Variants in MYO3A observed in about 807,000 individuals in gnomAD.
MYO3A encodes myosin-IIIa.
In MYO3A, 180 loss-of-function variants were observed where a neutral mutation model predicts 192.7. The observed-to-expected ratio is 0.93, with a 90% CI of 0.83 to 1.06. MYO3A has a LOEUF of 1.06. Ranked by LOEUF, MYO3A falls within the 50% of genes least tolerant of loss-of-function variation. The pLI, the probability that MYO3A is intolerant of heterozygous loss-of-function variation, is 0.00. For missense variants in MYO3A, 1,896 were observed against 1,905.0 expected (o/e 1.00, Z 0.09); for synonymous variants, 628 against 645.3 (o/e 0.97, Z 0.41).
intron 31 of MYO3A, among the ~76,000 whole-genome samples, chr10:26,182,053 A>G (rs1383169262): frequency 1.3e-5 from 2 of 152,238 alleles, no homozygotes; most frequent in African/African-American, 2.4e-5. Flanking sequence ...TAATACTGTA[A>G]GTAATTCAGC....
chr10:26,075,584 A>ATG (rs1352203026), intron 14 of MYO3A, among the ~76,000 whole-genome samples: 1 of 140,444 alleles, frequency 7.1e-6, no homozygotes, highest in Non-Finnish European at 1.6e-5. Flanking sequence ...ATATATATAT[A>ATG]TATATGATAT....
At chr10:25,993,141 AT>A (rs578095785) in intron 4 of MYO3A, among the ~76,000 whole-genome samples, 14,416 of 150,952 alleles carry the variant, frequency 0.096, 1,208 homozygotes, top group African/African-American at 0.22. Context: ...TTGGTCCTGG[AT>A]TTTTTTTTGG....
intron 3 of MYO3A, among the ~76,000 whole-genome samples, chr10:25,954,443 A>C (rs1156879569): frequency 1.3e-5 from 2 of 151,982 alleles, no homozygotes; most frequent in Non-Finnish European, 2.9e-5. Context: ...TGTATGACTG[A>C]TTTTTGGATA....
At chr10:26,166,554 T>A (rs1042939656) in intron 27 of MYO3A, among the ~76,000 whole-genome samples, 7 of 152,072 alleles carry the variant, frequency 4.6e-5, no homozygotes, top group Non-Finnish European at 7.4e-5. Flanking sequence ...AAAGTTTACA[T>A]TGAAATTTAA....
intron 18 of MYO3A, among the ~76,000 whole-genome samples, chr10:26,121,211 C>G (rs1369864081): frequency 6.6e-6 from 1 of 150,600 alleles, no homozygotes; most frequent in Non-Finnish European, 1.5e-5. Context: ...GCCATTCATC[C>G]TGGGTTGATT....
intron 10 of MYO3A, among the ~76,000 whole-genome samples, chr10:26,058,703 A>G (rs1588877608): frequency 6.6e-6 from 1 of 152,308 alleles, no homozygotes; most frequent in African/African-American, 2.4e-5. Flanking sequence ...TTGACTTTCC[A>G]TATAAACTTT....
chr10:25,947,104 T>C (rs966535570), intron 2 of MYO3A, among the ~76,000 whole-genome samples: 3 of 151,926 alleles, frequency 2.0e-5, no homozygotes, highest in African/African-American at 7.2e-5. Context: ...CTGTTTATAT[T>C]CCTTCGTTCT....
chr10:26,075,586 A>G (rs1490373598), intron 14 of MYO3A, among the ~76,000 whole-genome samples: 3 of 140,594 alleles, frequency 2.1e-5, no homozygotes, highest in Admixed American at 1.4e-4. Context: ...ATATATATAT[A>G]TATGATATAT....
intron 14 of MYO3A, among the ~76,000 whole-genome samples, chr10:26,075,930 C>T (rs966440927): frequency 1.3e-5 from 2 of 151,346 alleles, no homozygotes; most frequent in Non-Finnish European, 2.9e-5. Context: ...CATGATTTTA[C>T]GATTGTAAAT....
intron 20 of MYO3A, among the ~76,000 whole-genome samples, chr10:26,141,809 T>C (rs918193950): frequency 6.6e-6 from 1 of 152,192 alleles, no homozygotes; most frequent in Admixed American, 6.5e-5. Context: ...TTTTAGACCA[T>C]CTATTCTTCT....
intron 2 of MYO3A, among the ~76,000 whole-genome samples, chr10:25,939,963 C>G (rs1836371955): frequency 6.6e-6 from 1 of 151,982 alleles, no homozygotes; most frequent in Non-Finnish European, 1.5e-5. Context: ...TAGTGGCCAT[C>G]ATGCCTCTAA....
chr10:26,101,256 T>C (rs1053045376), intron 17 of MYO3A, among the ~76,000 whole-genome samples: 1 of 152,232 alleles, frequency 6.6e-6, no homozygotes, highest in Non-Finnish European at 1.5e-5. Flanking sequence ...TTGGTGGATC[T>C]TCCTCCAAAC....
At chr10:26,038,506 T>C (rs1024170335) in intron 10 of MYO3A, among the ~76,000 whole-genome samples, 1 of 152,232 alleles carries the variant, frequency 6.6e-6, no homozygotes, top group Admixed American at 6.5e-5. Flanking sequence ...TTGTTTGTTG[T>C]TGGCATATAG....
At chr10:25,976,458 A>G (rs1373677226) in intron 4 of MYO3A, among the ~76,000 whole-genome samples, 4 of 152,220 alleles carry the variant, frequency 2.6e-5, no homozygotes, top group Admixed American at 1.3e-4. Context: ...AGTAATGCCA[A>G]CTATAGAAAT....
intron 17 of MYO3A, among the ~76,000 whole-genome samples, chr10:26,108,958 A>G (rs987565286): frequency 3.9e-5 from 6 of 152,180 alleles, no homozygotes; most frequent in African/African-American, 1.4e-4. Context: ...TTTGTCCATC[A>G]AGATCTTAGA....
intron 25 of MYO3A, among the ~76,000 whole-genome samples, chr10:26,156,718 G>T (rs1383931227): frequency 2.0e-5 from 3 of 151,998 alleles, no homozygotes; most frequent in Non-Finnish European, 2.9e-5. Flanking sequence ...TAAGTTCAGG[G>T]GTAAATGTGC....
chr10:26,070,298 G>GTTTTA lies in MYO3A; in HGVS notation c.1276-16_1276-15insATTTT. Reference sequence around the variant, plus strand: ...ATTTTGAGGATAAGGTCTTCTCACAGTTTTCTTTTCTATGTATAGTGCATT... The same window carrying GTTTTA: ...ATTTTGAGGATAAGGTCTTCTCACAGTTTTATTTTCTTTTCTATGTATAGTGCATT... On this transcript the variant is annotated intron_variant, in intron 13 of 34. Coordinates refer to ENST00000642920, the MANE Select transcript of MYO3A (RefSeq NM_017433.5). 1 of 1,611,408 alleles carries GTTTTA rather than the reference G, an allele frequency of 6.2e-7. No homozygotes were observed. Among genetic ancestry groups the GTTTTA allele is most frequent in the African/African-American group, 1.3e-5 (1 of 74,940 alleles).
intron 31 of MYO3A, among the ~76,000 whole-genome samples, chr10:26,182,127 A>T (rs12269307): frequency 0.17 from 25,412 of 152,186 alleles, 2,247 homozygotes; most frequent in East Asian, 0.3. Context: ...GGGTTCTAGA[A>T]GAGTTGAGTG....
At chr10:26,201,145 G>C (rs1424143353) in intron 32 of MYO3A, 120 bp from the exon 33 acceptor site, 1 of 384,970 alleles carries the variant, frequency 2.6e-6, no homozygotes, top group East Asian at 4.5e-5. Context: ...GTATCCACTT[G>C]CTTATTTCTA....
Sources: allele counts gnomAD v4.1 joint callset (sites outside exome capture counted in the v4.1 genomes callset), GRCh38; gene constraint gnomAD v4.1.1; transcripts MANE v1.5; gene names NCBI Gene and HGNC (gene_info 2026-07-23, HGNC 2026-07-21).